The following IRAK1BP1 variants were observed in gnomAD, a reference collection of about 807,000 sequenced individuals.
IRAK1BP1 encodes the protein interleukin 1 receptor associated kinase 1 binding protein 1.
Under a neutral mutation model 28.0 loss-of-function variants are expected in IRAK1BP1, and 24 were observed. The observed-to-expected ratio is 0.86, with a 90% confidence interval of 0.62 to 1.20. The LOEUF (loss-of-function observed/expected upper bound fraction) is 1.20. Ranked by LOEUF, IRAK1BP1 falls within the 50% of genes most tolerant of loss-of-function variation. IRAK1BP1 has a pLI of 0.00. For missense variants in IRAK1BP1, 336 were observed against 316.7 expected, an observed-to-expected ratio of 1.06 and a Z score of -0.46; for synonymous variants, 131 against 116.3, an observed-to-expected ratio of 1.13 and a Z score of -0.81.
In IRAK1BP1 at chr6:78,903,061, TATC is replaced by T; in HGVS notation, c.*4730_*4732del. 5 of 1,533,474 alleles carry T rather than the reference TATC, an allele frequency of 3.3e-6. No individual in the cohort carries two copies. Among genetic ancestry groups the T allele is most frequent in the Non-Finnish European group, 3.5e-6 (4 of 1,144,592 alleles). The allele number at this position is 1,533,474 out of a possible 1,614,324, so 95.0% of individuals were successfully genotyped here. On this transcript the variant is annotated 3_prime_UTR_variant, in exon 4 of 4. Transcript: ENST00000369940. Reference sequence around the variant, plus strand: ...CCAGATAGCCATGTCACCTGTGAATTATCATGAATCCCACATCAAATGAACAAA... The same window carrying T: ...CCAGATAGCCATGTCACCTGTGAATTATGAATCCCACATCAAATGAACAAA...
chr6:78,973,203 A>G, the IRAK1BP1 span, among the ~76,000 whole-genome samples: 1 of 152,142 alleles, frequency 6.6e-6, no homozygotes, highest in African/African-American at 2.4e-5. Context: ...ACAAGCCAGA[A>G]GAGAGTGGGG....
the IRAK1BP1 span, among the ~76,000 whole-genome samples, chr6:78,952,816 C>T: frequency 1.2e-3 from 184 of 151,210 alleles, no homozygotes; most frequent in Non-Finnish European, 2.3e-3. Flanking sequence ...TCATTTATTC[C>T]TTTAACCAAA....
At chr6:78,923,352 T>A (rs1161247513) in intron 4 of IRAK1BP1, among the ~76,000 whole-genome samples, 9 of 152,078 alleles carry the variant, frequency 5.9e-5, no homozygotes, top group Admixed American at 4.6e-4. Flanking sequence ...AGGTATCAAT[T>A]CAACAAGAAG....
the IRAK1BP1 span, among the ~76,000 whole-genome samples, chr6:78,974,792 T>C: frequency 1.3e-5 from 2 of 151,542 alleles, no homozygotes; most frequent in African/African-American, 2.4e-5. Context: ...ATAAATTCCT[T>C]GACACATACA....
chr6:78,946,234 T>C (rs1297864567), exon 5 of IRAK1BP1: 1 of 1,613,382 alleles, frequency 6.2e-7, no homozygotes, highest in East Asian at 2.2e-5. Flanking sequence ...TAGCTGGGGT[T>C]TTAAGATCCT....
At chr6:78,918,053 A>G (rs950959640) in intron 4 of IRAK1BP1, among the ~76,000 whole-genome samples, 3 of 152,208 alleles carry the variant, frequency 2.0e-5, no homozygotes, top group African/African-American at 7.2e-5. Context: ...TAACTTCATG[A>G]TAGGATCAAA....
At chr6:78,927,970 G>T (rs1032222509) in intron 4 of IRAK1BP1, among the ~76,000 whole-genome samples, 1 of 152,112 alleles carries the variant, frequency 6.6e-6, no homozygotes, top group African/African-American at 2.4e-5. Flanking sequence ...CAGATAATGT[G>T]ATTCCTCCAG....
chr6:78,887,573 G>A (rs535323141), intron 2 of IRAK1BP1, among the ~76,000 whole-genome samples: 2 of 152,148 alleles, frequency 1.3e-5, no homozygotes, highest in Non-Finnish European at 2.9e-5. Context: ...GGCTGAGACA[G>A]AAGAATCAGT....
intron 4 of IRAK1BP1, among the ~76,000 whole-genome samples, chr6:78,931,627 TAGTC>T (rs1229368772): frequency 1.3e-5 from 2 of 152,194 alleles, no homozygotes; most frequent in Non-Finnish European, 2.9e-5. Flanking sequence ...ACCATACTGT[TAGTC>T]TGTTACATGT....
At position 78,867,603 on chromosome 6, in the gene IRAK1BP1, C is replaced by G. The variant is rs769049773; in HGVS notation, c.27C>G (p.Thr9=). Residue 9 remains threonine (T), a synonymous_variant, in exon 1 of 4, where the codon ACC becomes ACG. Transcript: ENST00000369940. MSLQKTPP[T]RVFVELVPWA... ...TGTCTCTGCAAAAGACCCCTCCGAC[C>G]CGAGTGTTCGTGGAACTGGTTCCCT... 13 of 1,614,166 alleles carry G rather than the reference C, an allele frequency of 8.1e-6. No individual in the cohort carries two copies. Among genetic ancestry groups the G allele is most frequent in the Non-Finnish European group, 1.1e-5 (13 of 1,180,006 alleles).
intron 2 of IRAK1BP1, among the ~76,000 whole-genome samples, chr6:78,887,727 A>G (rs1423816372): frequency 6.6e-6 from 1 of 152,176 alleles, no homozygotes; most frequent in Non-Finnish European, 1.5e-5. Context: ...GAAAGTGGAA[A>G]AATTAGAACC....
the IRAK1BP1 span, among the ~76,000 whole-genome samples, chr6:78,970,408 A>G: frequency 2.5e-4 from 38 of 152,288 alleles, no homozygotes; most frequent in Admixed American, 1.2e-3. Context: ...GAACTTTACT[A>G]AAGTATAGTT....
At chr6:78,897,682 T>A (rs1771940797) in intron 2 of IRAK1BP1, 147 bp from the exon 3 acceptor site, 1 of 488,082 alleles carries the variant, frequency 2.0e-6, no homozygotes, top group African/African-American at 1.9e-5. Context: ...AATAATTTAG[T>A]TATAAGTATC....
intron 4 of IRAK1BP1, among the ~76,000 whole-genome samples, chr6:78,911,547 C>A (rs1402888645): frequency 5.9e-5 from 9 of 152,132 alleles, no homozygotes; most frequent in Admixed American, 4.6e-4. Flanking sequence ...GATTTACTCG[C>A]CTTTAAGTTG....
the IRAK1BP1 span, among the ~76,000 whole-genome samples, chr6:78,979,112 C>T: frequency 6.6e-6 from 1 of 151,972 alleles, no homozygotes; most frequent in Admixed American, 6.6e-5. Flanking sequence ...CTTGAACATC[C>T]CTGGATTTTG....
Position 78,902,630 on chromosome 6 carries a change from G to A in IRAK1BP1, c.*4296G>A, listed in dbSNP as rs990462859. ...TTCTAAAAATACAGAAGTTACTCAG[G>A]CGTGGTGGCGTGTGACTGTAATCTC... On this transcript the variant is annotated 3_prime_UTR_variant, in exon 4 of 4. Transcript: ENST00000369940. 1.1e-5 allele frequency: 2 copies of A among 177,302 alleles called. No individual in the cohort carries two copies. The highest frequency in any genetic ancestry group is 4.7e-5 in the African/African-American group (2 of 42,474). 11.0% of individuals were successfully genotyped at this position (177,302 alleles called of 1,614,324 possible). A position where few individuals can be genotyped will look rare whatever the true frequency, so the allele number is the denominator to read the frequency against.
intron 4 of IRAK1BP1, among the ~76,000 whole-genome samples, chr6:78,917,245 A>G (rs949253187): frequency 1.3e-5 from 2 of 152,090 alleles, no homozygotes; most frequent in Admixed American, 6.6e-5. Context: ...AGCTTCTGGA[A>G]TTGAAAAACT....
At chr6:78,951,848 C>T in the IRAK1BP1 span, among the ~76,000 whole-genome samples, 6 of 152,262 alleles carry the variant, frequency 3.9e-5, no homozygotes, top group South Asian at 6.2e-4. Flanking sequence ...ATAAGGGATA[C>T]GGGTTCCCAT....
rs1562090766 is a variant in IRAK1BP1 at position 78,902,010 on chromosome 6, T to C, written c.*3676T>C. On this transcript the variant is annotated 3_prime_UTR_variant, in exon 4 of 4. Coordinates refer to ENST00000369940, the MANE Select transcript of IRAK1BP1 (RefSeq NM_001010844.4). Reference sequence around the variant, plus strand: ...ATGAGATCAAATGTGGGAGTTACTATATGATTATCTGCATTACAAAATGAA... The same window carrying C: ...ATGAGATCAAATGTGGGAGTTACTACATGATTATCTGCATTACAAAATGAA... 1 of 152,248 alleles carries C rather than the reference T, an allele frequency of 6.6e-6. No homozygotes were observed. The highest frequency in any genetic ancestry group is 1.5e-5 in the Non-Finnish European group (1 of 68,044). 9.4% of individuals were successfully genotyped at this position (152,248 alleles called of 1,614,324 possible).
Sources: allele counts gnomAD v4.1 joint callset (sites outside exome capture counted in the v4.1 genomes callset), GRCh38; gene constraint gnomAD v4.1.1; transcripts MANE v1.5; gene names NCBI Gene and HGNC (gene_info 2026-07-23, HGNC 2026-07-21).